Variants in TRIM2 observed in about 807,000 individuals in gnomAD.
The protein encoded by TRIM2 is tripartite motif containing 2, also known as tripartite motif-containing protein 2.
In TRIM2, 20 loss-of-function variants were observed where a neutral mutation model predicts 75.2. The ratio of observed to expected loss-of-function variants is 0.27; its 90% CI spans 0.19 to 0.39. TRIM2 has a LOEUF of 0.39. Ranked by LOEUF, TRIM2 falls within the 10% of genes least tolerant of loss-of-function variation. TRIM2 has a pLI of 1.00. For missense variants in TRIM2, 660 were observed against 990.8 expected (o/e 0.67, Z 4.48); for synonymous variants, 373 against 388.3 (o/e 0.96, Z 0.46).
At chr4:153,210,651 C>T (rs901595562) in intron 1 of TRIM2, among the ~76,000 whole-genome samples, 2 of 152,152 alleles carry the variant, frequency 1.3e-5, no homozygotes, top group African/African-American at 4.8e-5. Flanking sequence ...ATTCTATTTT[C>T]TTGAGAGCAT....
At chr4:153,333,321 G>A (rs999067134) in intron 11 of TRIM2, among the ~76,000 whole-genome samples, 10 of 152,214 alleles carry the variant, frequency 6.6e-5, no homozygotes, top group Admixed American at 6.5e-4. Flanking sequence ...GATTAGAGAT[G>A]TGAGGAAAGG....
chr4:153,227,571 G>A (rs1742483173), intron 1 of TRIM2, among the ~76,000 whole-genome samples: 1 of 152,200 alleles, frequency 6.6e-6, no homozygotes, highest in South Asian at 2.1e-4. Context: ...CAAATTGAAT[G>A]AGTTTTCTAG....
chr4:153,316,438 T>A (rs191322387), intron 8 of TRIM2, among the ~76,000 whole-genome samples: 116 of 152,324 alleles, frequency 7.6e-4, no homozygotes, highest in African/African-American at 2.6e-3. Flanking sequence ...AAAAATAGTT[T>A]CCACCTTTTA....
chr4:153,171,640 G>GA (rs60324157), intron 1 of TRIM2, among the ~76,000 whole-genome samples: 4 of 151,364 alleles, frequency 2.6e-5, no homozygotes, highest in Admixed American at 2.6e-4. Context: ...TTGGTTAATG[G>GA]AAAAAAAAGA....
upstream of TRIM2, among the ~76,000 whole-genome samples, chr4:153,202,562 G>A (rs1734479753): frequency 1.3e-5 from 2 of 152,074 alleles, no homozygotes; most frequent in African/African-American, 4.8e-5. Context: ...AGCCGGGCAT[G>A]GCGGCATGCG....
chr4:153,291,043 A>G (rs565474865), intron 3 of TRIM2, among the ~76,000 whole-genome samples: 4 of 144,972 alleles, frequency 2.8e-5, no homozygotes, highest in African/African-American at 1.0e-4. Flanking sequence ...CTTATATGAC[A>G]AAAAAAAAAG....
At chr4:153,316,294 A>C (rs974943484) in intron 8 of TRIM2, among the ~76,000 whole-genome samples, 1 of 152,212 alleles carries the variant, frequency 6.6e-6, no homozygotes, top group Admixed American at 6.5e-5. Flanking sequence ...AATTCAATGA[A>C]AAACAACAAG....
chr4:153,274,874 G>A (rs1757674539), intron 2 of TRIM2, among the ~76,000 whole-genome samples: 1 of 152,210 alleles, frequency 6.6e-6, no homozygotes, highest in Non-Finnish European at 1.5e-5. Flanking sequence ...AGCAAAAGCT[G>A]TTTCATGTCT....
At chr4:153,320,856 T>TCAA (rs1768799579) in intron 8 of TRIM2, among the ~76,000 whole-genome samples, 1 of 152,100 alleles carries the variant, frequency 6.6e-6, no homozygotes, top group Non-Finnish European at 1.5e-5. Flanking sequence ...GGTCTCGAAC[T>TCAA]CCTGACCTCA....
At chr4:153,232,290 A>C (rs2149804748) in intron 1 of TRIM2, among the ~76,000 whole-genome samples, 1 of 152,198 alleles carries the variant, frequency 6.6e-6, no homozygotes, top group African/African-American at 2.4e-5. Flanking sequence ...AGGCAGGCAG[A>C]TGGATCGAGA....
At chr4:153,327,987 C>T (rs1770615126) in intron 10 of TRIM2, among the ~76,000 whole-genome samples, 1 of 152,212 alleles carries the variant, frequency 6.6e-6, no homozygotes, top group African/African-American at 2.4e-5. Flanking sequence ...CACATGTGCA[C>T]ACACACATGC....
At chr4:153,315,793 T>C in intron 7 of TRIM2, 39 bp from the exon 8 acceptor site, 1 of 1,610,060 alleles carries the variant, frequency 6.2e-7, no homozygotes, top group South Asian at 1.1e-5. Context: ...GCAATGCCTG[T>C]ACTAGTTCAC....
chr4:153,274,954 A>G (rs1048299943), intron 2 of TRIM2, among the ~76,000 whole-genome samples: 2 of 152,212 alleles, frequency 1.3e-5, no homozygotes, highest in Non-Finnish European at 2.9e-5. Context: ...TGTCAGGTCT[A>G]TTCATCTGCA....
intron 10 of TRIM2, 29 bp downstream of exon 10, chr4:153,324,177 C>G (rs1374843573): frequency 6.3e-7 from 1 of 1,574,816 alleles, no homozygotes; most frequent in African/African-American, 1.4e-5. Context: ...TTGTTGTTAA[C>G]TTTTAACTGC....
chr4:153,157,988 T>C (rs1729394503), intron 1 of TRIM2, among the ~76,000 whole-genome samples: 1 of 152,232 alleles, frequency 6.6e-6, no homozygotes, highest in South Asian at 2.1e-4. Flanking sequence ...AGGTTCCCTA[T>C]GGAGAATTTT....
intron 1 of TRIM2, among the ~76,000 whole-genome samples, chr4:153,215,872 GT>G (rs1463666933): frequency 6.6e-6 from 1 of 151,932 alleles, no homozygotes; most frequent in African/African-American, 2.4e-5. Context: ...CCTTTTATTT[GT>G]TTTTTCATCT....
intron 1 of TRIM2, among the ~76,000 whole-genome samples, chr4:153,264,478 C>T (rs2150003008): frequency 6.6e-6 from 1 of 152,284 alleles, no homozygotes; most frequent in Non-Finnish European, 1.5e-5. Flanking sequence ...ATTCTGATTT[C>T]TTTCATTATA....
chr4:153,234,013 C>A (rs1323205950), intron 1 of TRIM2, among the ~76,000 whole-genome samples: 2 of 152,148 alleles, frequency 1.3e-5, no homozygotes, highest in Admixed American at 1.3e-4. Flanking sequence ...GAACTAACAA[C>A]TTTAAAATTC....
At chr4:153,203,666 C>A (rs561359944), upstream of TRIM2, among the ~76,000 whole-genome samples, 1 of 151,538 alleles carries the variant, frequency 6.6e-6, no homozygotes, top group Non-Finnish European at 1.5e-5. Context: ...CCAAGGCGGG[C>A]GGATCACTTG....
Sources: allele counts gnomAD v4.1 joint callset (sites outside exome capture counted in the v4.1 genomes callset), GRCh38; gene constraint gnomAD v4.1.1; transcripts MANE v1.5; gene names NCBI Gene and HGNC (gene_info 2026-07-23, HGNC 2026-07-21).